Variants in FAT3 observed in about 807,000 individuals in gnomAD.
FAT3 encodes the protein FAT atypical cadherin 3, also known as protocadherin Fat 3.
A neutral mutation model predicts 310.2 loss-of-function variants in FAT3; 95 were observed. The observed-to-expected ratio is 0.31, with a 90% CI of 0.26 to 0.36. The LOEUF (loss-of-function observed/expected upper bound fraction) is 0.36. Among genes scored for constraint, FAT3 ranks in the 10% least tolerant of loss-of-function variants. The probability of loss-of-function intolerance (pLI) is 1.00; values close to 1 mark genes in which losing one functional copy is unlikely to be tolerated. For missense variants in FAT3, 5,408 were observed against 5,715.6 expected (o/e 0.95, Z 1.74); for synonymous variants, 2,314 against 2,192.9 (o/e 1.06, Z -1.54).
At chr11:92,366,231 C>T (rs763592115) in intron 2 of FAT3, among the ~76,000 whole-genome samples, 1 of 152,166 alleles carries the variant, frequency 6.6e-6, no homozygotes, top group South Asian at 2.1e-4. Context: ...CACTACCTTT[C>T]GACTCTCTTG....
In FAT3 at chr11:92,459,359, GCA is replaced by G. The variant is rs1198549144; in HGVS notation, c.3293-65272_3293-65271del. Among the ~76,000 whole-genome samples, 7 of 152,280 alleles carry G rather than the reference GCA, an allele frequency of 4.6e-5. No homozygotes were observed. The East Asian group carries it at 1.2e-3, about 25-fold the overall frequency. On this transcript the variant is annotated intron_variant, in intron 2 of 27. Coordinates refer to ENST00000525166, the MANE Select transcript of FAT3 (RefSeq NM_001367949.2). ...CCTGTAGTGCCCAGGAGGTGAGAGA[GCA>G]CAGAGTGGTGGAAAGAGTGAAGGAG...
At chr11:92,520,623 C>T (rs927202032) in intron 2 of FAT3, among the ~76,000 whole-genome samples, 1 of 152,060 alleles carries the variant, frequency 6.6e-6, no homozygotes, top group Non-Finnish European at 1.5e-5. Flanking sequence ...TGTGGATTTA[C>T]ATTCTTAGCT....
In FAT3 at chr11:92,448,672, G is replaced by A. The variant is rs1017048017; in HGVS notation, c.3293-75962G>A. The stretch of plus-strand genomic sequence containing the variant: ...ATAAACTTTTTGGAGTTTTTGATAG[G>A]TCTGGACTCCCCCACAGCCTTCATT... On this transcript the variant is annotated intron_variant, in intron 2 of 27. Transcript: ENST00000525166. Among the ~76,000 whole-genome samples, 4 of 152,210 alleles carry A rather than the reference G, an allele frequency of 2.6e-5. No individual in the cohort carries two copies. The South Asian group carries it at 8.3e-4, about 32-fold the overall frequency.
chr11:92,395,473 T>G (rs977252792), intron 2 of FAT3, among the ~76,000 whole-genome samples: 1 of 152,172 alleles, frequency 6.6e-6, no homozygotes, highest in Non-Finnish European at 1.5e-5. Flanking sequence ...TGTCGAGAGT[T>G]CAGCACTACA....
intron 2 of FAT3, among the ~76,000 whole-genome samples, chr11:92,490,258 G>C (rs1259977922): frequency 6.6e-6 from 1 of 152,082 alleles, no homozygotes; most frequent in Non-Finnish European, 1.5e-5. Context: ...TGTCTTTCTA[G>C]CTTTGCATAT....
intron 4 of FAT3, among the ~76,000 whole-genome samples, chr11:92,737,533 G>T (rs1945388160): frequency 6.6e-6 from 1 of 151,994 alleles, no homozygotes; most frequent in Non-Finnish European, 1.5e-5. Context: ...GTGTGTGTGT[G>T]TGTCTGTGTG....
intron 3 of FAT3, among the ~76,000 whole-genome samples, chr11:92,546,746 C>T (rs1954630405): frequency 6.6e-6 from 1 of 152,110 alleles, no homozygotes; most frequent in Non-Finnish European, 1.5e-5. Flanking sequence ...GGAACGGGGG[C>T]TACCAGTGAG....
At chr11:92,547,718 C>G (rs1954660490) in intron 3 of FAT3, among the ~76,000 whole-genome samples, 1 of 152,158 alleles carries the variant, frequency 6.6e-6, no homozygotes, top group South Asian at 2.1e-4. Context: ...AACAGCCATC[C>G]TTCTGCCAAC....
intron 7 of FAT3, among the ~76,000 whole-genome samples, chr11:92,778,273 G>A (rs1318727160): frequency 6.6e-6 from 1 of 152,032 alleles, no homozygotes; most frequent in Non-Finnish European, 1.5e-5. Context: ...ATTTTTTAGT[G>A]CTTGCCATGT....
intron 3 of FAT3, among the ~76,000 whole-genome samples, chr11:92,603,877 A>G (rs531186382): frequency 9.9e-5 from 15 of 152,276 alleles, no homozygotes; most frequent in African/African-American, 3.1e-4. Flanking sequence ...TTTCACTGGG[A>G]CTGGAGTCTT....
chr11:92,504,549 C>T (rs1458962334), intron 2 of FAT3, among the ~76,000 whole-genome samples: 2 of 152,056 alleles, frequency 1.3e-5, no homozygotes, highest in Non-Finnish European at 2.9e-5. Context: ...CCTATGTTGC[C>T]TATGTCTTTG....
rs746825604 is a variant in FAT3 at position 92,844,107 on chromosome 11, G to T, written c.10740G>T (p.Met3580Ile). The change falls in exon 19 of 28, where the codon ATG becomes ATT. Residue 3580 changes from methionine (M) to isoleucine (I), a missense_variant. This residue lies in a region of FAT3 where 4,588 missense variants were observed against 4,809.8 expected (regional missense o/e 0.95). Coordinates refer to ENST00000525166, the MANE Select transcript of FAT3 (RefSeq NM_001367949.2). ...AGATTCATGCCACAGATCAAGACAT[G>T]TATGATGTGCTCACATTTGCCCTGA... ...IGKIHATDQDMYDVLTFALKS... is the reference protein window; with the variant it reads ...IGKIHATDQDIYDVLTFALKS... The T allele has an allele frequency of 2.1e-5, 34 of 1,613,874 alleles. No homozygotes were observed. The highest frequency in any genetic ancestry group is 2.8e-5 in the Non-Finnish European group (33 of 1,179,908).
chr11:92,726,472 A>G (rs1945002892), intron 4 of FAT3, among the ~76,000 whole-genome samples: 3 of 152,158 alleles, frequency 2.0e-5, no homozygotes, highest in African/African-American at 7.2e-5. Flanking sequence ...TAGAAATACA[A>G]ATTTTAAGCT....
chr11:92,339,353 T>C (rs1295014325), intron 1 of FAT3, among the ~76,000 whole-genome samples: 3 of 152,156 alleles, frequency 2.0e-5, no homozygotes, highest in African/African-American at 7.2e-5. Flanking sequence ...TCTAATCCTA[T>C]GTTTTCTTGG....
intron 2 of FAT3, among the ~76,000 whole-genome samples, chr11:92,516,532 A>C (rs748943879): frequency 6.6e-6 from 1 of 152,208 alleles, no homozygotes; most frequent in Non-Finnish European, 1.5e-5. Flanking sequence ...AGCCAATATC[A>C]TACTGAATGG....
chr11:92,260,897 A>G (rs1365259522), intron 1 of FAT3, among the ~76,000 whole-genome samples: 1 of 152,104 alleles, frequency 6.6e-6, no homozygotes, highest in Non-Finnish European at 1.5e-5. Context: ...TCAGACAGAC[A>G]GTAAAAAAAC....
chr11:92,598,291 A>G (rs577675660), intron 3 of FAT3, among the ~76,000 whole-genome samples: 16 of 150,086 alleles, frequency 1.1e-4, no homozygotes, highest in East Asian at 3.9e-4. Context: ...CAGTGTCACA[A>G]TCTCAGCTTA....
chr11:92,375,498 C>A (rs1029420804), intron 2 of FAT3, among the ~76,000 whole-genome samples: 1 of 149,826 alleles, frequency 6.7e-6, no homozygotes. Context: ...AGCTCATGCC[C>A]ATGGTTGACA....
In FAT3 at chr11:92,844,281, G is replaced by T. The variant is rs1386306999; in HGVS notation, c.10914G>T (p.Glu3638Asp). The T allele has an allele frequency of 1.9e-6, 3 of 1,613,894 alleles. No individual in the cohort carries two copies. The highest frequency in any genetic ancestry group is 3.3e-5 in the Admixed American group (2 of 60,006). Reference protein sequence around the residue: ...QVPIDVVVHVEQLVHEMLQNT... With the variant: ...QVPIDVVVHVDQLVHEMLQNT... ...CCATTGATGTGGTCGTGCATGTGGA[G>T]CAGTTGGTGCATGAGATGCTGCAGA... The change falls in exon 19 of 28, where the codon GAG (glutamate) becomes GAT (aspartate). Residue 3638 changes from glutamate to aspartate, a missense_variant. Glu to Asp is a conservative substitution (Grantham distance 45). Coordinates refer to ENST00000525166, the MANE Select transcript of FAT3 (RefSeq NM_001367949.2).
Sources: gnomAD v4.1 joint callset for allele counts (sites outside exome capture counted in the v4.1 genomes callset) on GRCh38, gnomAD v4.1.1 for gene constraint, gnomAD v4.1.1 regional missense constraint, MANE v1.5 for transcripts, NCBI Gene and HGNC (gene_info 2026-07-23, HGNC 2026-07-21) for gene names.